Variants in PPARGC1A observed in about 807,000 individuals in gnomAD.
The protein encoded by PPARGC1A is peroxisome proliferator-activated receptor gamma coactivator 1-alpha.
A neutral mutation model predicts 88.7 loss-of-function variants in PPARGC1A; 25 were observed. The ratio of observed to expected loss-of-function variants is 0.28; its 90% CI spans 0.21 to 0.39. The LOEUF (loss-of-function observed/expected upper bound fraction) is 0.39. Ranked by LOEUF, PPARGC1A falls within the 10% of genes least tolerant of loss-of-function variation. The pLI is 1.00. For missense variants in PPARGC1A, 880 were observed against 968.7 expected (o/e 0.91, Z 1.22); for synonymous variants, 363 against 355.6 (o/e 1.02, Z -0.24).
chr4:23,954,795 C>A, the PPARGC1A span, among the ~76,000 whole-genome samples: 9 of 151,930 alleles, frequency 5.9e-5, no homozygotes, highest in Non-Finnish European at 8.8e-5. Flanking sequence ...TATTTTCTAA[C>A]TCTTAAGGCT....
the PPARGC1A span, among the ~76,000 whole-genome samples, chr4:24,081,037 G>A: frequency 6.6e-6 from 1 of 152,056 alleles, no homozygotes. Context: ...AGAGAACATT[G>A]AGTACATTAA....
At chr4:24,065,650 G>A in the PPARGC1A span, among the ~76,000 whole-genome samples, 1 of 152,090 alleles carries the variant, frequency 6.6e-6, no homozygotes, top group Non-Finnish European at 1.5e-5. Context: ...CACCAATTGA[G>A]AGCCTACCCC....
At chr4:24,105,626 C>T in the PPARGC1A span, among the ~76,000 whole-genome samples, 1 of 152,140 alleles carries the variant, frequency 6.6e-6, no homozygotes, top group Non-Finnish European at 1.5e-5. Context: ...CTATGTTACT[C>T]GTCCATGGAC....
At position 23,831,637 on chromosome 4, in the gene PPARGC1A, C is replaced by T. The variant is rs754009449; in HGVS notation, c.349G>A (p.Val117Met). ...PSFDALTDGD[V>M]TTDNEASPSS... is the part of the protein sequence containing the mutation. ...GGACTAGCCTCATTGTCAGTGGTCA[C>T]GTCTCCATCTGTCAGCGCATCAAAT... Residue 117 changes from valine to methionine, a missense_variant, in exon 3 of 13, where the codon GTG becomes ATG. Coordinates refer to ENST00000264867, the MANE Select transcript of PPARGC1A (RefSeq NM_013261.5). The T allele has an allele frequency of 1.9e-6, 3 of 1,614,114 alleles. No homozygotes were observed. The highest frequency in any genetic ancestry group is 2.2e-5 in the East Asian group (1 of 44,868).
the PPARGC1A span, among the ~76,000 whole-genome samples, chr4:24,194,887 T>C: frequency 1.3e-5 from 2 of 152,174 alleles, no homozygotes; most frequent in East Asian, 3.9e-4. Context: ...GCATACTTTC[T>C]CCTCTGGAGT....
At chr4:24,406,530 A>G in the PPARGC1A span, among the ~76,000 whole-genome samples, 5 of 152,192 alleles carry the variant, frequency 3.3e-5, no homozygotes, top group African/African-American at 1.2e-4. Context: ...CTTTTAAAAT[A>G]ACTAAACGTC....
the PPARGC1A span, among the ~76,000 whole-genome samples, chr4:23,927,141 G>A: frequency 2.0e-5 from 3 of 151,964 alleles, no homozygotes; most frequent in Non-Finnish European, 2.9e-5. Context: ...GCCTACAGTT[G>A]GGCAAAATTA....
the PPARGC1A span, among the ~76,000 whole-genome samples, chr4:24,302,652 G>T: frequency 3.3e-5 from 5 of 152,190 alleles, no homozygotes; most frequent in Admixed American, 2.6e-4. Context: ...CGGTCACTTA[G>T]CGAGTCAGGG....
At chr4:24,423,476 G>A in the PPARGC1A span, among the ~76,000 whole-genome samples, 2 of 149,428 alleles carry the variant, frequency 1.3e-5, no homozygotes, top group East Asian at 2.0e-4. Context: ...AATCAAAGAA[G>A]TATTCTATTT....
At chr4:23,948,045 G>A in the PPARGC1A span, among the ~76,000 whole-genome samples, 4 of 152,100 alleles carry the variant, frequency 2.6e-5, no homozygotes, top group African/African-American at 4.8e-5. Context: ...CTCTGTGTTC[G>A]CATGCCTTCT....
chr4:24,428,976 G>T, the PPARGC1A span, among the ~76,000 whole-genome samples: 1 of 152,164 alleles, frequency 6.6e-6, no homozygotes, highest in African/African-American at 2.4e-5. Flanking sequence ...CCCAACAAAA[G>T]GTCAGAAACT....
In PPARGC1A at chr4:23,828,696, GA is replaced by G; in HGVS notation, c.553-93del. The G allele has an allele frequency of 2.6e-6, 3 of 1,153,406 alleles. No individual in the cohort carries two copies. The East Asian group carries it at 7.1e-5, about 27-fold the overall frequency. 71.4% of individuals were successfully genotyped at this position (1,153,406 alleles called of 1,614,324 possible). A position where few individuals can be genotyped will look rare whatever the true frequency, so the allele number is the denominator to read the frequency against. On this transcript the variant is annotated intron_variant, in intron 4 of 12. Transcript: ENST00000264867. ...TTCTGGAGAGATGGGATTTTTCAAT[GA>G]AGTGTTCAGTCTAAGTGTACTAGAT...
chr4:24,460,656 C>T, the PPARGC1A span, among the ~76,000 whole-genome samples: 6 of 152,102 alleles, frequency 3.9e-5, no homozygotes, highest in Admixed American at 3.9e-4. Context: ...TGATTCCATT[C>T]TCTTTTACCA....
the PPARGC1A span, among the ~76,000 whole-genome samples, chr4:24,276,039 G>A: frequency 6.6e-6 from 1 of 152,166 alleles, no homozygotes; most frequent in African/African-American, 2.4e-5. Flanking sequence ...ACACTACAAA[G>A]TGATCGTTAC....
the PPARGC1A span, among the ~76,000 whole-genome samples, chr4:24,393,991 C>A: frequency 1.3e-5 from 2 of 152,068 alleles, no homozygotes; most frequent in Non-Finnish European, 2.9e-5. Context: ...TTTTATGGCA[C>A]TAATTTAAAT....
At chr4:24,149,557 G>C in the PPARGC1A span, among the ~76,000 whole-genome samples, 1 of 152,054 alleles carries the variant, frequency 6.6e-6, no homozygotes, top group Non-Finnish European at 1.5e-5. Context: ...GCCATTAAAG[G>C]CTTGGGTTTC....
intron 2 of PPARGC1A, among the ~76,000 whole-genome samples, chr4:23,832,831 C>T (rs1725286312): frequency 6.8e-6 from 1 of 147,890 alleles, no homozygotes. Context: ...AGGATGGTCT[C>T]GATCTCCTGA....
At chr4:24,165,167 A>T in the PPARGC1A span, among the ~76,000 whole-genome samples, 1 of 152,166 alleles carries the variant, frequency 6.6e-6, no homozygotes, top group East Asian at 1.9e-4. Flanking sequence ...TGGACATATT[A>T]ACAATTAAAT....
chr4:23,933,851 C>A, the PPARGC1A span, among the ~76,000 whole-genome samples: 1 of 152,226 alleles, frequency 6.6e-6, no homozygotes, highest in African/African-American at 2.4e-5. Flanking sequence ...GGCAAAGCAA[C>A]TCGGTCTTTG....
Sources: allele counts gnomAD v4.1 joint callset (sites outside exome capture counted in the v4.1 genomes callset), GRCh38; gene constraint gnomAD v4.1.1; transcripts MANE v1.5; gene names NCBI Gene and HGNC (gene_info 2026-07-23, HGNC 2026-07-21).